The following IL1RAPL1 variants were observed in gnomAD, a reference collection of about 807,000 sequenced individuals.
IL1RAPL1 encodes interleukin-1 receptor accessory protein-like 1.
Under a neutral mutation model 48.4 loss-of-function variants are expected in IL1RAPL1, and 3 were observed. That is an observed-to-expected ratio of 0.06 (90% CI 0.03 to 0.16). IL1RAPL1 has a LOEUF of 0.16. IL1RAPL1 is among the 10% of genes least tolerant of loss of function. The pLI, the probability that IL1RAPL1 is intolerant of heterozygous loss-of-function variation, is 1.00. For missense variants in IL1RAPL1, 349 were observed against 530.6 expected (o/e 0.66, Z 3.36); for synonymous variants, 185 against 187.7 (o/e 0.99, Z 0.12).
chrX:29,343,153 G>T (rs749654477), intron 3 of IL1RAPL1, among the ~76,000 whole-genome samples: 14 of 112,384 alleles, frequency 1.2e-4, no homozygotes, highest in Non-Finnish European at 2.4e-4. Context: ...AATGAAAACA[G>T]CTTTAACTGT....
chrX:29,903,183 T>TGTGTGTGA (rs1467570277), intron 6 of IL1RAPL1, among the ~76,000 whole-genome samples: 7 of 93,026 alleles, frequency 7.5e-5, no homozygotes, highest in African/African-American at 2.2e-4. Context: ...TGTGTGTGTG[T>TGTGTGTGA]GAGAGAGAGA....
chrX:29,319,160 G>GCCTGTCTGTCTGTCTATCTATCTA (rs1555990506), intron 3 of IL1RAPL1, among the ~76,000 whole-genome samples: 1 of 84,988 alleles, frequency 1.2e-5, no homozygotes, highest in Admixed American at 1.5e-4. Context: ...CTATCTGTCT[G>GCCTGTCTGTCTGTCTATCTATCTA]TCTATCTATC....
intron 6 of IL1RAPL1, among the ~76,000 whole-genome samples, chrX:29,827,123 G>C (rs140686066): frequency 1.9e-3 from 211 of 112,161 alleles, no homozygotes; most frequent in African/African-American, 6.5e-3. Flanking sequence ...GTTGAACGTA[G>C]TTTTGCGGGT....
At chrX:29,192,824 G>A (rs1002120491) in intron 2 of IL1RAPL1, among the ~76,000 whole-genome samples, 1 of 111,310 alleles carries the variant, frequency 9.0e-6, no homozygotes, top group African/African-American at 3.2e-5. Flanking sequence ...TTATGGTTAT[G>A]TTCAGAACTT....
intron 3 of IL1RAPL1, among the ~76,000 whole-genome samples, chrX:29,336,180 G>T (rs1269152153): frequency 1.1e-5 from 1 of 93,427 alleles, no homozygotes. Context: ...TGGTAGAAAA[G>T]GTGTGTGTGT....
chrX:29,306,944 T>A (rs2147615745), intron 3 of IL1RAPL1, among the ~76,000 whole-genome samples: 1 of 109,848 alleles, frequency 9.1e-6, no homozygotes, highest in African/African-American at 3.3e-5. Flanking sequence ...AATCCTTCAA[T>A]GATTTTTCAA....
intron 2 of IL1RAPL1, among the ~76,000 whole-genome samples, chrX:29,184,168 C>T (rs1167670774): frequency 9.0e-6 from 1 of 111,034 alleles, no homozygotes; most frequent in Non-Finnish European, 1.9e-5. Flanking sequence ...AAATATACAC[C>T]GTCATCCTGA....
chrX:29,392,196 T>C (rs958588986), intron 3 of IL1RAPL1, among the ~76,000 whole-genome samples: 10 of 112,368 alleles, frequency 8.9e-5, no homozygotes, highest in Non-Finnish European at 1.3e-4. Flanking sequence ...ATGATTTAAG[T>C]TTTTGTGTAG....
chrX:29,793,600 T>G (rs1373232698), intron 6 of IL1RAPL1, among the ~76,000 whole-genome samples: 1 of 112,345 alleles, frequency 8.9e-6, no homozygotes, highest in Non-Finnish European at 1.9e-5. Flanking sequence ...TGATTATACT[T>G]ATCACATTAT....
intron 2 of IL1RAPL1, among the ~76,000 whole-genome samples, chrX:29,065,859 A>C (rs951924589): frequency 8.9e-6 from 1 of 111,896 alleles, no homozygotes; most frequent in African/African-American, 3.2e-5. Flanking sequence ...CCAGAATTTC[A>C]TTTGGTTCTT....
chrX:29,740,657 A>G (rs1928174430), intron 6 of IL1RAPL1, among the ~76,000 whole-genome samples: 1 of 111,730 alleles, frequency 9.0e-6, no homozygotes, highest in Non-Finnish European at 1.9e-5. Context: ...TGCTTTAACA[A>G]GTCTTCTCCC....
At chrX:29,276,075 TGCCATCTAACAG>T (rs1932114160) in intron 2 of IL1RAPL1, among the ~76,000 whole-genome samples, 1 of 112,305 alleles carries the variant, frequency 8.9e-6, no homozygotes, top group Non-Finnish European at 1.9e-5. Context: ...CTGGGTGTCC[TGCCATCTAACAG>T]GCCTTCCCTG....
chrX:29,688,291 T>C (rs1926681008), intron 6 of IL1RAPL1, among the ~76,000 whole-genome samples: 1 of 111,179 alleles, frequency 9.0e-6, no homozygotes, highest in African/African-American at 3.3e-5. Context: ...TTCCAAGGTC[T>C]ATGGCTGTCT....
At chrX:29,148,894 C>T (rs937021658) in intron 2 of IL1RAPL1, among the ~76,000 whole-genome samples, 28 of 111,485 alleles carry the variant, frequency 2.5e-4, no homozygotes, top group African/African-American at 8.4e-4. Context: ...ATAATACCAG[C>T]CTCTTTTTTG....
chrX:29,225,338 T>C (rs1602121259), intron 2 of IL1RAPL1, among the ~76,000 whole-genome samples: 2 of 112,091 alleles, frequency 1.8e-5, no homozygotes, highest in Non-Finnish European at 3.8e-5. Flanking sequence ...ACGTTCCAAG[T>C]CTGTTTTATC....
chrX:29,092,699 T>A (rs1010001513), intron 2 of IL1RAPL1, among the ~76,000 whole-genome samples: 1 of 111,991 alleles, frequency 8.9e-6, no homozygotes, highest in African/African-American at 3.2e-5. Context: ...ATTAAAAAAA[T>A]ATATGTCATC....
At chrX:29,181,564 G>A (rs1025081642) in intron 2 of IL1RAPL1, among the ~76,000 whole-genome samples, 3 of 111,754 alleles carry the variant, frequency 2.7e-5, no homozygotes, top group African/African-American at 9.7e-5. Context: ...AGCATTCACT[G>A]ACTAATTCAG....
chrX:28,666,592 AAG>A (rs1934881274), intron 1 of IL1RAPL1, among the ~76,000 whole-genome samples: 1 of 112,257 alleles, frequency 8.9e-6, no homozygotes, highest in African/African-American at 3.2e-5. Flanking sequence ...TAAAGTGAAA[AAG>A]AGTAGCAAAG....
At chrX:29,828,010 G>A (rs1930779607) in intron 6 of IL1RAPL1, among the ~76,000 whole-genome samples, 1 of 111,763 alleles carries the variant, frequency 8.9e-6, no homozygotes. Context: ...TAAGCTGTAG[G>A]CCCTACATAG....
Sources: allele counts gnomAD v4.1 joint callset (sites outside exome capture counted in the v4.1 genomes callset), GRCh38; gene constraint gnomAD v4.1.1; transcripts MANE v1.5; gene names NCBI Gene and HGNC (gene_info 2026-07-23, HGNC 2026-07-21).